The following CCDC30 variants were observed in gnomAD, a reference collection of about 807,000 sequenced individuals.
CCDC30 encodes coiled-coil domain-containing protein 30.
CCDC30 carries 70 observed loss-of-function variants against 100.2 expected under a neutral mutation model. That is an observed-to-expected ratio of 0.70 (90% CI 0.58 to 0.85). The LOEUF (loss-of-function observed/expected upper bound fraction) is 0.85. Ranked by LOEUF, CCDC30 falls within the 40% of genes least tolerant of loss-of-function variation. The pLI, the probability that CCDC30 is intolerant of heterozygous loss-of-function variation, is 0.00. For synonymous variants in CCDC30, 233 were observed against 269.5 expected (o/e 0.86, Z 1.33); for missense variants, 652 against 771.2 (o/e 0.85, Z 1.83).
intron 1 of CCDC30, among the ~76,000 whole-genome samples, chr1:42,479,566 TAA>T (rs34698340): frequency 8.9e-5 from 12 of 135,390 alleles, no homozygotes; most frequent in Admixed American, 1.5e-4. Context: ...GACATATGCT[TAA>T]AAAAAAAAAA....
intron 4 of CCDC30, among the ~76,000 whole-genome samples, chr1:42,495,449 A>T (rs975980398): frequency 6.6e-6 from 1 of 152,014 alleles, no homozygotes; most frequent in Non-Finnish European, 1.5e-5. Context: ...TGTCACATGT[A>T]TACATATGTA....
intron 6 of CCDC30, among the ~76,000 whole-genome samples, chr1:42,546,399 A>AATATATATAT (rs66804938): frequency 2.5e-4 from 3 of 11,970 alleles, no homozygotes; most frequent in African/African-American, 6.1e-4. Flanking sequence ...AAAAAAAAAA[A>AATATATATAT]ATATATATAT....
intron 7 of CCDC30, among the ~76,000 whole-genome samples, chr1:42,574,677 A>G (rs1358794401): frequency 6.6e-6 from 1 of 152,206 alleles, no homozygotes; most frequent in Non-Finnish European, 1.5e-5. Flanking sequence ...GTACTGGATT[A>G]GAATCAGAAA....
chr1:42,589,285 T>G, intron 9 of CCDC30, 36 bp from the exon 14 acceptor site: 1 of 1,515,742 alleles, frequency 6.6e-7, no homozygotes, highest in Non-Finnish European at 8.9e-7. Context: ...CATTTGCAAT[T>G]CATGGTGTGA....
chr1:42,466,538 G>T (rs966617596), intron 1 of CCDC30, among the ~76,000 whole-genome samples: 8 of 147,210 alleles, frequency 5.4e-5, no homozygotes, highest in East Asian at 4.1e-4. Context: ...TAGTTTTTTT[G>T]TTGTTGTTGT....
intron 8 of CCDC30, among the ~76,000 whole-genome samples, chr1:42,578,158 C>CA (rs1015860205): frequency 6.6e-6 from 1 of 151,494 alleles, no homozygotes; most frequent in African/African-American, 2.4e-5. Flanking sequence ...TTAAATTCGA[C>CA]AAAAAAAATT....
chr1:42,519,621 G>A (rs562295239), intron 6 of CCDC30, among the ~76,000 whole-genome samples: 20 of 152,142 alleles, frequency 1.3e-4, no homozygotes, highest in African/African-American at 3.1e-4. Flanking sequence ...ATGCCGTCTC[G>A]GCTCACTGCA....
At chr1:42,504,831 C>T (rs905187652) in intron 6 of CCDC30, among the ~76,000 whole-genome samples, 3 of 152,118 alleles carry the variant, frequency 2.0e-5, no homozygotes, top group Admixed American at 6.5e-5. Flanking sequence ...TAAAATTTTA[C>T]CATACAAGAT....
intron 6 of CCDC30, among the ~76,000 whole-genome samples, chr1:42,562,651 A>G (rs1645516138): frequency 6.6e-6 from 1 of 152,244 alleles, no homozygotes. Context: ...AAAAGAAACT[A>G]TCATTAGAGT....
At chr1:42,456,904 G>C in the CCDC30 span, 3 of 1,611,922 alleles carry the variant, frequency 1.9e-6, no homozygotes, top group Non-Finnish European at 1.7e-6. Context: ...CAGCCCTTTC[G>C]GGCTTGCTGA....
chr1:42,577,408 G>T (rs983877116), intron 8 of CCDC30, among the ~76,000 whole-genome samples, 179 bp downstream of exon 12: 3 of 151,952 alleles, frequency 2.0e-5, no homozygotes, highest in African/African-American at 7.3e-5. Context: ...AGGAATTCTT[G>T]TGTATTTGTA....
chr1:42,624,209 C>A (rs187801352), intron 11 of CCDC30, among the ~76,000 whole-genome samples: 228 of 152,124 alleles, frequency 1.5e-3, no homozygotes, highest in Admixed American at 2.4e-3. Context: ...AAATTTGTTT[C>A]TTATAAAATT....
At chr1:42,458,466 T>C (rs556962656), upstream of CCDC30, among the ~76,000 whole-genome samples, 14 of 152,136 alleles carry the variant, frequency 9.2e-5, 1 homozygote, top group African/African-American at 3.4e-4. Flanking sequence ...TTTATTGAGG[T>C]CCTACACTGC....
At chr1:42,655,935 T>C (rs1350181192), downstream of CCDC30, among the ~76,000 whole-genome samples, 1 of 150,356 alleles carries the variant, frequency 6.7e-6, no homozygotes, top group African/African-American at 2.4e-5. Flanking sequence ...GTGCAGTGGT[T>C]TGATTACTGC....
chr1:42,506,530 AT>A (rs1281193243), intron 6 of CCDC30, among the ~76,000 whole-genome samples: 4 of 152,252 alleles, frequency 2.6e-5, no homozygotes, highest in Admixed American at 2.6e-4. Flanking sequence ...ATACATAGAC[AT>A]TAGAATTTTA....
At chr1:42,588,475 A>G (rs1227829404) in intron 9 of CCDC30, among the ~76,000 whole-genome samples, 1 of 152,176 alleles carries the variant, frequency 6.6e-6, no homozygotes, top group Admixed American at 6.5e-5. Context: ...TTTCCAGGGG[A>G]GAGGGAGATG....
At chr1:42,564,951 G>C (rs886860461) in intron 6 of CCDC30, among the ~76,000 whole-genome samples, 11 of 152,014 alleles carry the variant, frequency 7.2e-5, no homozygotes, top group Admixed American at 1.3e-4. Context: ...GTCTTTCTGC[G>C]CCTGGCTTAT....
At chr1:42,610,875 G>A in intron 10 of CCDC30, 103 bp from the exon 15 acceptor site, 1 of 597,856 alleles carries the variant, frequency 1.7e-6, no homozygotes, top group Non-Finnish European at 2.9e-6. Context: ...AAGCAGGAGT[G>A]ACTATAAGCT....
At chr1:42,566,582 T>A in intron 7 of CCDC30, 107 bp downstream of exon 11, 1 of 887,900 alleles carries the variant, frequency 1.1e-6, no homozygotes, top group Non-Finnish European at 1.7e-6. Flanking sequence ...CACAAATATG[T>A]GGACAATGTG....
Sources: allele counts gnomAD v4.1 joint callset (sites outside exome capture counted in the v4.1 genomes callset), GRCh38; gene constraint gnomAD v4.1.1; transcripts MANE v1.5; gene names NCBI Gene and HGNC (gene_info 2026-07-23, HGNC 2026-07-21).